The following MTFR1 variants were observed in gnomAD, a reference collection of about 807,000 sequenced individuals.
The protein encoded by MTFR1 is mitochondrial fission regulator 1.
MTFR1 carries 28 observed loss-of-function variants against 38.8 expected under a neutral mutation model. That is an observed-to-expected ratio of 0.72 (90% confidence interval 0.53 to 0.99). The LOEUF is 0.99. MTFR1 is among the 50% of genes least tolerant of loss of function. The probability of loss-of-function intolerance (pLI) is 0.00; values close to 1 mark genes in which losing one functional copy is unlikely to be tolerated. For synonymous variants in MTFR1, 145 were observed against 137.0 expected (o/e 1.06, Z -0.41); for missense variants, 358 against 395.5 (o/e 0.91, Z 0.81).
At chr8:65,719,004 A>G in intron 2 of MTFR1, 1 of 443,132 alleles carries the variant, frequency 2.3e-6, no homozygotes. Flanking sequence ...AAGTCGTGGC[A>G]CATATCAAAA....
chr8:65,764,211 C>G (rs1808654690), intron 3 of MTFR1, among the ~76,000 whole-genome samples: 1 of 152,130 alleles, frequency 6.6e-6, no homozygotes, highest in South Asian at 2.1e-4. Flanking sequence ...ATTATTGTTT[C>G]CTGGGATATC....
chr8:65,712,221 G>T (rs1420029801), downstream of MTFR1, among the ~76,000 whole-genome samples: 2 of 152,206 alleles, frequency 1.3e-5, no homozygotes, highest in Non-Finnish European at 2.9e-5. Context: ...GCTAGAGCAT[G>T]GTTGGAAATC....
At chr8:65,674,783 G>A (rs991411539) in intron 2 of MTFR1, among the ~76,000 whole-genome samples, 2 of 152,052 alleles carry the variant, frequency 1.3e-5, no homozygotes, top group Admixed American at 1.3e-4. Flanking sequence ...AGTGCTTACT[G>A]TGGCCAGTGC....
At chr8:65,672,268 A>T (rs1804584643) in intron 2 of MTFR1, among the ~76,000 whole-genome samples, 1 of 152,340 alleles carries the variant, frequency 6.6e-6, no homozygotes, top group South Asian at 2.1e-4. Context: ...ACATAAAGCA[A>T]TGTGATCTTT....
chr8:65,756,616 G>A (rs529662976), intron 3 of MTFR1, among the ~76,000 whole-genome samples: 8 of 152,134 alleles, frequency 5.3e-5, no homozygotes, highest in Middle Eastern at 3.4e-3. Context: ...TCTTTACTGA[G>A]ATTCTCATTT....
chr8:65,693,395 T>G (rs1805340632), intron 3 of MTFR1, among the ~76,000 whole-genome samples: 1 of 151,064 alleles, frequency 6.6e-6, no homozygotes, highest in Admixed American at 6.6e-5. Flanking sequence ...GAGCTAGACT[T>G]TGTCTCAAAA....
At chr8:65,723,594 C>T (rs1235127156) in intron 3 of MTFR1, 2 of 1,574,974 alleles carry the variant, frequency 1.3e-6, no homozygotes, top group Admixed American at 1.9e-5. Context: ...TGGACTCACA[C>T]CCAAATGATA....
At chr8:65,760,492 C>T (rs1234483952) in intron 3 of MTFR1, among the ~76,000 whole-genome samples, 1 of 152,102 alleles carries the variant, frequency 6.6e-6, no homozygotes, top group East Asian at 1.9e-4. Context: ...TAGGAGTGCA[C>T]TTCAATAGTG....
chr8:65,763,342 G>A (rs1207392786), intron 3 of MTFR1, among the ~76,000 whole-genome samples: 1 of 152,104 alleles, frequency 6.6e-6, no homozygotes, highest in East Asian at 1.9e-4. Flanking sequence ...GAGGCGGGTG[G>A]ATCACCTGAG....
Position 65,704,944 on chromosome 8 carries a change from C to T in MTFR1, c.517+15C>T, listed in dbSNP as rs1057255532. 2 of 1,554,162 alleles carry T rather than the reference C, an allele frequency of 1.3e-6. No individual in the cohort carries two copies. Among genetic ancestry groups the T allele is most frequent in the Admixed American group, 3.8e-5 (2 of 52,262 alleles). On this transcript the variant is annotated intron_variant, in intron 5 of 7. Transcript: ENST00000262146. ...TCTCACTGCAGGTCTGTAAGTCCTA[C>T]ATTTGTTAGTTTTAACTTGCAAACT...
At chr8:65,647,042 T>C (rs1393025996) in intron 1 of MTFR1, among the ~76,000 whole-genome samples, 2 of 152,198 alleles carry the variant, frequency 1.3e-5, no homozygotes, top group African/African-American at 4.8e-5. Context: ...TGAAGGAACT[T>C]GAGTGCCACT....
At chr8:65,708,920 T>C in intron 7 of MTFR1, 56 bp from the exon 8 acceptor site, 1 of 1,551,426 alleles carries the variant, frequency 6.4e-7, no homozygotes, top group Non-Finnish European at 8.9e-7. Context: ...GGTGGGGGCG[T>C]ATCGTTACTG....
chr8:65,716,526 A>G (rs1311946713), intron 2 of MTFR1, among the ~76,000 whole-genome samples: 1 of 152,098 alleles, frequency 6.6e-6, no homozygotes, highest in Non-Finnish European at 1.5e-5. Flanking sequence ...CACAGAAGAC[A>G]TGGGTCTTCT....
chr8:65,655,986 G>A (rs116513137), intron 1 of MTFR1, among the ~76,000 whole-genome samples: 24,685 of 53,658 alleles, frequency 0.46, 4,110 homozygotes, highest in African/African-American at 0.52. Context: ...TATATATATG[G>A]TAGTGGGTTG....
chr8:65,730,003 C>T (rs375830662), intron 3 of MTFR1, among the ~76,000 whole-genome samples: 17 of 151,978 alleles, frequency 1.1e-4, no homozygotes, highest in African/African-American at 3.9e-4. Context: ...TGGACCGGTA[C>T]TGGTCCATGG....
chr8:65,728,970 AT>A (rs1419194864), intron 3 of MTFR1, among the ~76,000 whole-genome samples: 5 of 152,202 alleles, frequency 3.3e-5, no homozygotes, highest in South Asian at 2.1e-4. Flanking sequence ...ATGCAAAAAA[AT>A]ATTTGATATA....
intron 3 of MTFR1, among the ~76,000 whole-genome samples, chr8:65,764,061 T>C (rs1460403902): frequency 6.6e-6 from 1 of 152,186 alleles, no homozygotes; most frequent in Non-Finnish European, 1.5e-5. Context: ...AAACTGCACA[T>C]ACATGGGGCA....
chr8:65,667,422 T>C (rs1804414704), intron 1 of MTFR1, among the ~76,000 whole-genome samples: 1 of 152,050 alleles, frequency 6.6e-6, no homozygotes, highest in Non-Finnish European at 1.5e-5. Context: ...GCAAACTTTC[T>C]TCTTTTTTCT....
At chr8:65,699,406 G>A (rs1805545938) in intron 4 of MTFR1, among the ~76,000 whole-genome samples, 1 of 152,226 alleles carries the variant, frequency 6.6e-6, no homozygotes, top group African/African-American at 2.4e-5. Flanking sequence ...AGTTCTTTGA[G>A]AAATCTTCAT....
Sources: allele counts gnomAD v4.1 joint callset (sites outside exome capture counted in the v4.1 genomes callset), GRCh38; gene constraint gnomAD v4.1.1; transcripts MANE v1.5; gene names NCBI Gene and HGNC (gene_info 2026-07-23, HGNC 2026-07-21).